The following FAM20C variants were observed in gnomAD, a reference collection of about 807,000 sequenced individuals.
FAM20C encodes extracellular serine/threonine protein kinase FAM20C.
FAM20C carries 40 observed loss-of-function variants against 51.5 expected under a neutral mutation model. That is an observed-to-expected ratio of 0.78 (90% CI 0.60 to 1.01). The LOEUF (loss-of-function observed/expected upper bound fraction) is 1.01. Ranked by LOEUF, FAM20C falls within the 50% of genes least tolerant of loss-of-function variation. The probability of loss-of-function intolerance (pLI) is 0.00; values close to 1 mark genes in which losing one functional copy is unlikely to be tolerated. For synonymous variants in FAM20C, 406 were observed against 380.6 expected, an observed-to-expected ratio of 1.07 and a Z score of -0.78; for missense variants, 861 against 844.7, an observed-to-expected ratio of 1.02 and a Z score of -0.24.
At chr7:257,169 C>T (rs775405722) in intron 8 of FAM20C, 83 bp downstream of exon 8, 22 of 1,319,778 alleles carry the variant, frequency 1.7e-5, no homozygotes, top group South Asian at 5.1e-5. Flanking sequence ...ACCCTGGGGA[C>T]GGGGGGAGCA....
rs925412471 is a variant in FAM20C, at chr7:192,895, C to G, written c.-305C>G. 1 of 149,366 alleles carries G rather than the reference C, an allele frequency of 6.7e-6. No individual in the cohort carries two copies. The highest frequency in any genetic ancestry group is 1.9e-4 in the East Asian group (1 of 5,140). 9.3% of individuals were successfully genotyped at this position (149,366 alleles called of 1,614,324 possible). A position where few individuals can be genotyped will look rare whatever the true frequency, so the allele number is the denominator to read the frequency against. The stretch of plus-strand genomic sequence containing the variant: ...GGCGGCTGCGAGCGCCGAGCCTCCC[C>G]CTGCTGCGGCCCCAGCCGCCCCCCG... On this transcript the variant is annotated 5_prime_UTR_variant, in exon 1 of 10. Transcript: ENST00000313766.
chr7:249,464 G>T (rs147493369), intron 5 of FAM20C, among the ~76,000 whole-genome samples: 4 of 152,230 alleles, frequency 2.6e-5, no homozygotes, highest in Non-Finnish European at 5.9e-5. Context: ...ATTTGGGCTG[G>T]GCGTGGTGGC....
chr7:255,730 G>C, intron 5 of FAM20C, 119 bp from the exon 6 acceptor site: 1 of 1,076,514 alleles, frequency 9.3e-7, no homozygotes, highest in Non-Finnish European at 1.4e-6. Flanking sequence ...GGAACTGTGG[G>C]TGAGTCCTGC....
At chr7:205,660 C>T (rs1433026375) in intron 2 of FAM20C, among the ~76,000 whole-genome samples, 3 of 152,300 alleles carry the variant, frequency 2.0e-5, no homozygotes, top group Non-Finnish European at 2.9e-5. Flanking sequence ...TCTGTGGCTG[C>T]GCCGGGCTTG....
At chr7:232,880 C>T (rs1012904919) in intron 3 of FAM20C, among the ~76,000 whole-genome samples, 1 of 152,250 alleles carries the variant, frequency 6.6e-6, no homozygotes, top group Non-Finnish European at 1.5e-5. Flanking sequence ...AACGAATCCT[C>T]TTGGAGCCAG....
chr7:215,228 TGGGGGGGGGA>T (rs1786903182), intron 3 of FAM20C, among the ~76,000 whole-genome samples: 1 of 80,012 alleles, frequency 1.2e-5, no homozygotes, highest in African/African-American at 4.6e-5. Context: ...AGGCTCCAGC[TGGGGGGGGGA>T]GCAGGGCCCC....
intron 5 of FAM20C, 90 bp downstream of exon 5, chr7:248,520 G>T (rs1210885206): frequency 3.2e-5 from 30 of 950,924 alleles, no homozygotes; most frequent in Admixed American, 6.5e-5. Flanking sequence ...GGCACGGGGA[G>T]CCCACATTCA....
At chr7:200,323 G>A (rs1238241799) in intron 2 of FAM20C, among the ~76,000 whole-genome samples, 4 of 151,968 alleles carry the variant, frequency 2.6e-5, no homozygotes, top group African/African-American at 4.8e-5. Context: ...TTAGCTGGAC[G>A]CCCATGGCCC....
chr7:210,219 C>A (rs1284851483), intron 3 of FAM20C, among the ~76,000 whole-genome samples: 1 of 142,462 alleles, frequency 7.0e-6, no homozygotes, highest in African/African-American at 2.6e-5. Context: ...CACGGCCCAG[C>A]CCTGCGGGGG....
intron 2 of FAM20C, among the ~76,000 whole-genome samples, chr7:199,743 G>T (rs1223158227): frequency 2.0e-5 from 3 of 152,220 alleles, no homozygotes. Flanking sequence ...CACCTTTAAA[G>T]AGTCTTGGGA....
chr7:219,706 C>A (rs571591386), intron 3 of FAM20C, among the ~76,000 whole-genome samples: 2 of 152,314 alleles, frequency 1.3e-5, no homozygotes, highest in East Asian at 3.9e-4. Context: ...GACCTGGCCT[C>A]CAGGGCCGGG....
chr7:220,641 C>G (rs890512467), intron 3 of FAM20C, among the ~76,000 whole-genome samples: 4 of 152,152 alleles, frequency 2.6e-5, no homozygotes, highest in Admixed American at 6.5e-5. Flanking sequence ...ATGGCATGGT[C>G]GGCAGCAGGG....
At chr7:242,610 C>T (rs950535615) in intron 3 of FAM20C, among the ~76,000 whole-genome samples, 3 of 152,132 alleles carry the variant, frequency 2.0e-5, no homozygotes, top group Non-Finnish European at 4.4e-5. Flanking sequence ...ACACCAGAGG[C>T]CTCAGAAGGC....
chr7:228,513 G>C (rs777315323), intron 3 of FAM20C: 3 of 456,092 alleles, frequency 6.6e-6, no homozygotes, highest in African/African-American at 6.0e-5. Flanking sequence ...CCCTGTGAGA[G>C]GCTGACACTG....
chr7:215,181 C>T (rs1342244427), intron 3 of FAM20C, among the ~76,000 whole-genome samples: 3 of 147,116 alleles, frequency 2.0e-5, no homozygotes, highest in South Asian at 2.2e-4. Context: ...ACAAAAGAGG[C>T]GGAGTGAGCG....
chr7:234,988 G>A (rs1329175871), intron 3 of FAM20C, among the ~76,000 whole-genome samples: 1 of 152,182 alleles, frequency 6.6e-6, no homozygotes, highest in East Asian at 1.9e-4. Context: ...GGCAGGGAAT[G>A]GGCCACAGTC....
At chr7:259,152 C>T (rs1023437916) in intron 9 of FAM20C, among the ~76,000 whole-genome samples, 2 of 152,250 alleles carry the variant, frequency 1.3e-5, no homozygotes, top group Non-Finnish European at 2.9e-5. Context: ...CATCACAGCG[C>T]CCGTGTTGTG....
At chr7:208,791 G>C in intron 2 of FAM20C, 107 bp from the exon 3 acceptor site, 2 of 1,150,824 alleles carry the variant, frequency 1.7e-6, no homozygotes, top group Admixed American at 2.2e-5. Flanking sequence ...GGGACCCCTG[G>C]ACCATGCCCA....
chr7:241,737 G>T lies in FAM20C; in HGVS notation c.864-4678G>T, dbSNP rs1316253098. On this transcript the variant is annotated intron_variant, in intron 3 of 9. Coordinates refer to ENST00000313766, the MANE Select transcript of FAM20C (RefSeq NM_020223.4). ...ATGTGCATCCACTGTGAGCGCCCGT[G>T]TGTGTGTTTCTGAGTGTGCAGGTGG... 2.0e-5 allele frequency among the ~76,000 whole-genome samples: 3 copies of T among 151,920 alleles called. No individual in the cohort carries two copies. In the South Asian group the frequency reaches 6.2e-4, roughly 32 times the overall value.
Sources: allele counts gnomAD v4.1 joint callset (sites outside exome capture counted in the v4.1 genomes callset), GRCh38; gene constraint gnomAD v4.1.1; transcripts MANE v1.5; gene names NCBI Gene and HGNC (gene_info 2026-07-23, HGNC 2026-07-21).